Variants in UBR1 observed in about 807,000 individuals in gnomAD.
The protein encoded by UBR1 is E3 ubiquitin-protein ligase UBR1.
Under a neutral mutation model 242.1 loss-of-function variants are expected in UBR1, and 102 were observed. The ratio of observed to expected loss-of-function variants is 0.42; its 90% confidence interval spans 0.36 to 0.50. UBR1 has a LOEUF of 0.50. Ranked by LOEUF, UBR1 falls within the 20% of genes least tolerant of loss-of-function variation. The pLI is 0.01. For synonymous variants in UBR1, 675 were observed against 684.8 expected (o/e 0.99, Z 0.22); for missense variants, 1,772 against 2,101.8 (o/e 0.84, Z 3.07).
chr15:43,039,463 G>A (rs945170659), intron 15 of UBR1, among the ~76,000 whole-genome samples: 7 of 152,114 alleles, frequency 4.6e-5, no homozygotes, highest in Admixed American at 3.3e-4. Flanking sequence ...GTTCACTCAC[G>A]ATTTGGCTCT....
chr15:42,961,484 C>T (rs1328194125), intron 42 of UBR1, among the ~76,000 whole-genome samples: 1 of 147,728 alleles, frequency 6.8e-6, no homozygotes, highest in East Asian at 2.0e-4. Context: ...AGTGCAATGG[C>T]GCGATCTTGG....
intron 12 of UBR1, among the ~76,000 whole-genome samples, chr15:43,053,904 A>G (rs1274841385): frequency 1.3e-5 from 2 of 149,564 alleles, no homozygotes; most frequent in African/African-American, 5.0e-5. Context: ...TTTGCTCACT[A>G]CAACCTCCAC....
At chr15:43,097,382 T>G (rs1204570793) in intron 1 of UBR1, among the ~76,000 whole-genome samples, 1 of 152,230 alleles carries the variant, frequency 6.6e-6, no homozygotes, top group East Asian at 1.9e-4. Context: ...ATTTTCTGAA[T>G]GGTAAATGGA....
intron 45 of UBR1, among the ~76,000 whole-genome samples, chr15:42,950,906 G>T (rs886858711): frequency 1.3e-5 from 2 of 152,152 alleles, no homozygotes; most frequent in Admixed American, 1.3e-4. Context: ...CATAAAAAAG[G>T]CTTGCGTACA....
chr15:42,987,365 G>A (rs531400886), intron 35 of UBR1, among the ~76,000 whole-genome samples: 96 of 152,306 alleles, frequency 6.3e-4, no homozygotes, highest in African/African-American at 2.2e-3. Flanking sequence ...CACTGAAAGC[G>A]ACTCTTAAAC....
chr15:43,011,462 G>A (rs1338244244), intron 29 of UBR1, among the ~76,000 whole-genome samples: 1 of 152,062 alleles, frequency 6.6e-6, no homozygotes, highest in Non-Finnish European at 1.5e-5. Flanking sequence ...AATAGAGATG[G>A]GCAAAGAATA....
chr15:43,015,333 A>G (rs1213108701), intron 29 of UBR1, among the ~76,000 whole-genome samples: 27 of 152,042 alleles, frequency 1.8e-4, no homozygotes, highest in Non-Finnish European at 8.8e-5. Context: ...CTGTTGATCT[A>G]TGACCTTACC....
At chr15:43,017,923 T>C (rs11630595) in intron 27 of UBR1, among the ~76,000 whole-genome samples, 125,865 of 151,826 alleles carry the variant, frequency 0.83, 52,639 homozygotes, top group Non-Finnish European at 0.89. Context: ...AAAAGAGATC[T>C]TACCATACAT....
In UBR1 at chr15:43,003,927, G is replaced by A. The variant is rs777518378; in HGVS notation, c.3419C>T (p.Ala1140Val). The A allele has an allele frequency of 3.1e-6, 5 of 1,613,844 alleles. No individual in the cohort carries two copies. In the East Asian group the frequency reaches 1.1e-4, roughly 36 times the overall value. Reference sequence around the variant, plus strand: ...TGGATCCATGAAAAGTGGGTCTAGGGCTTCTGGTACAAGGTATAAAAAGGA... The same window carrying A: ...TGGATCCATGAAAAGTGGGTCTAGGACTTCTGGTACAAGGTATAAAAAGGA... ...RGKPIELSGEALDPLFMDPDL... is the reference protein window; with the variant it reads ...RGKPIELSGEVLDPLFMDPDL... The change falls in exon 31 of 47, where the codon GCC becomes GTC. Residue 1140 changes from alanine (A) to valine (V), a missense_variant. Physicochemically the swap from Ala to Val is moderately conservative, Grantham distance 64 (BLOSUM62 0). Transcript: ENST00000290650.
At chr15:42,976,943 A>G (rs2032299974) in intron 38 of UBR1, 76 bp from the exon 39 acceptor site, 6 of 1,494,044 alleles carry the variant, frequency 4.0e-6, no homozygotes, top group Admixed American at 1.9e-5. Context: ...CTAAATGTGA[A>G]GGGCAGCAGA....
At chr15:42,978,904 T>C (rs2032332261) in intron 37 of UBR1, among the ~76,000 whole-genome samples, 1 of 148,628 alleles carries the variant, frequency 6.7e-6, no homozygotes, top group African/African-American at 2.5e-5. Flanking sequence ...TTTTTTTTTT[T>C]TTTTTTTTCG....
Position 42,952,406 on chromosome 15 carries a change from G to T in UBR1, c.4878C>A (p.Leu1626=), listed in dbSNP as rs1424210599. Residue 1626 remains leucine (L), a synonymous_variant, in exon 45 of 47, where the codon CTC becomes CTA. Coordinates refer to ENST00000290650, the MANE Select transcript of UBR1 (RefSeq NM_174916.3). ...SADDERKHPV[L]CLFCGAILCS... The stretch of plus-strand genomic sequence containing the variant: ...ATAGTATAGCCCCACAGAAAAGGCA[G>T]AGGACAGGATGCTTTCGCTCATCAT... The T allele has an allele frequency of 6.2e-7, 1 of 1,614,130 alleles. No homozygotes were observed. Among genetic ancestry groups the T allele is most frequent in the African/African-American group, 1.3e-5 (1 of 74,946 alleles).
At position 43,026,667 on chromosome 15, in the gene UBR1, A is replaced by C. The variant is rs781141423; in HGVS notation, c.2433-4T>G. The C allele has an allele frequency of 8.0e-5, 129 of 1,608,064 alleles. No individual in the cohort carries two copies. In the Admixed American group the frequency reaches 1.6e-3, roughly 19 times the overall value. On this transcript the variant is annotated splice_polypyrimidine_tract_variant and splice_region_variant and intron_variant, in intron 22 of 46. Transcript: ENST00000290650. Reference sequence around the variant, plus strand: ...ATGGCCTGATACACCTGGTTTCCTAAATAGATGGAAAATACAAGATGAACT... The same window carrying C: ...ATGGCCTGATACACCTGGTTTCCTACATAGATGGAAAATACAAGATGAACT...
At position 42,970,570 on chromosome 15, in the gene UBR1, C is replaced by T; in HGVS notation, c.4407G>A (p.Glu1469=). 1.2e-6 allele frequency: 2 copies of T among 1,613,812 alleles called. No homozygotes were observed. The highest frequency in any genetic ancestry group is 1.1e-5 in the South Asian group (1 of 91,084). ...PLAQVQEDSE[E]AHSASSFFAE... is the part of the protein sequence containing the mutation. ...CAAAGAAAGAAGATGCGGAATGAGC[C>T]TCTTCACTGTCTTCTTGAACCTGAG... The change falls in exon 40 of 47, where the codon GAG becomes GAA. Residue 1469 remains glutamate, a synonymous_variant. Transcript: ENST00000290650.
At chr15:43,053,480 G>A (rs1421827187) in intron 12 of UBR1, among the ~76,000 whole-genome samples, 2 of 152,046 alleles carry the variant, frequency 1.3e-5, no homozygotes, top group African/African-American at 2.4e-5. Flanking sequence ...TGTAAGTTTT[G>A]CATAATTTGG....
chr15:42,950,719 G>A, intron 45 of UBR1: 1 of 309,762 alleles, frequency 3.2e-6, no homozygotes, highest in Non-Finnish European at 6.2e-6. Flanking sequence ...AGAGGGGAGG[G>A]AACCTCACAG....
Position 43,054,997 on chromosome 15 carries a change from T to C in UBR1, c.1282-98A>G, listed in dbSNP as rs1398418557. The C allele has an allele frequency of 3.0e-6, 4 of 1,333,622 alleles. No homozygotes were observed. The East Asian group carries it at 7.2e-5, about 24-fold the overall frequency. The allele number at this position is 1,333,622 out of a possible 1,614,324, so 82.6% of individuals were successfully genotyped here. On this transcript the variant is annotated intron_variant, in intron 11 of 46. Transcript: ENST00000290650. ...TGGTTAGTCAGTATGTCATTTTTAA[T>C]AAATGTTTGTTATTGAATGTTAAAC...
chr15:42,970,531 T>C lies in UBR1; in HGVS notation c.4446A>G (p.Gln1482=), dbSNP rs200272415. The C allele has an allele frequency of 6.2e-6, 10 of 1,613,516 alleles. No individual in the cohort carries two copies. Among genetic ancestry groups the C allele is most frequent in the East Asian group, 2.2e-5 (1 of 44,870 alleles). The change falls in exon 40 of 47, where the codon CAA becomes CAG. Residue 1482 remains glutamine (Q), a synonymous_variant. Coordinates refer to ENST00000290650, the MANE Select transcript of UBR1 (RefSeq NM_174916.3). ...SASSFFAEIS[Q]YTSGSIGCDI... Reference sequence around the variant, plus strand: ...GGATTGTTACTCACCCACTTGTATATTGAGAAATTTCTGCAAAGAAAGAAG... The same window carrying C: ...GGATTGTTACTCACCCACTTGTATACTGAGAAATTTCTGCAAAGAAAGAAG...
chr15:43,028,551 C>A (rs1596108530), intron 21 of UBR1, among the ~76,000 whole-genome samples: 1 of 151,418 alleles, frequency 6.6e-6, no homozygotes, highest in African/African-American at 2.4e-5. Flanking sequence ...TCGAGACCAG[C>A]CTGGCCAACA....
Sources: allele counts gnomAD v4.1 joint callset (sites outside exome capture counted in the v4.1 genomes callset), GRCh38; gene constraint gnomAD v4.1.1; transcripts MANE v1.5; gene names NCBI Gene and HGNC (gene_info 2026-07-23, HGNC 2026-07-21).